Variants in POLE observed in about 807,000 individuals in gnomAD.
The protein encoded by POLE is DNA polymerase epsilon, catalytic subunit.
POLE carries 188 observed loss-of-function variants against 279.2 expected under a neutral mutation model. That is an observed-to-expected ratio of 0.67 (90% CI 0.60 to 0.76). POLE has a LOEUF of 0.76. Ranked by LOEUF, POLE falls within the 30% of genes least tolerant of loss-of-function variation. The probability of loss-of-function intolerance (pLI) is 0.00; values close to 1 mark genes in which losing one functional copy is unlikely to be tolerated. For synonymous variants in POLE, 1,214 were observed against 1,172.5 expected, an observed-to-expected ratio of 1.04 and a Z score of -0.72; for missense variants, 2,703 against 3,016.7, an observed-to-expected ratio of 0.90 and a Z score of 2.44.
rs750401329 is a variant in POLE at position 132,626,157 on chromosome 12, C to T, written c.6491G>A (p.Cys2164Tyr). The change falls in exon 46 of 49, where the codon TGC (cysteine) becomes TAC (tyrosine). Residue 2164 changes from cysteine (C) to tyrosine (Y), a missense_variant. This residue lies in a region of POLE where 1,551 missense variants were observed against 1,686.1 expected (regional missense o/e 0.92). Coordinates refer to ENST00000320574, the MANE Select transcript of POLE (RefSeq NM_006231.4). Reference sequence around the variant, plus strand: ...GTCTTTACACAGGTCCAGGTCGCGGCAGAAGTTACAGCTGCGGCAGATGAC... The same window carrying T: ...GTCTTTACACAGGTCCAGGTCGCGGTAGAAGTTACAGCTGCGGCAGATGAC... ...PEVICRSCNF[C>Y]RDLDLCKDSS... 3.1e-6 allele frequency: 5 copies of T among 1,610,888 alleles called. No individual in the cohort carries two copies. In the South Asian group the frequency reaches 4.4e-5, roughly 14 times the overall value.
chr12:132,665,100 T>G (rs2042762185), intron 21 of POLE, among the ~76,000 whole-genome samples: 1 of 152,008 alleles, frequency 6.6e-6, no homozygotes, highest in African/African-American at 2.4e-5. Flanking sequence ...GCATCACTCA[T>G]GGACACCCAG....
Position 132,668,446 on chromosome 12 carries a change from A to G in POLE, c.2083T>C (p.Phe695Leu), listed in dbSNP as rs5744799. The G allele has an allele frequency of 3.3e-5, 53 of 1,612,366 alleles. No homozygotes were observed. Among genetic ancestry groups the G allele is most frequent in the Middle Eastern group, 1.6e-4 (1 of 6,074 alleles). Residue 695 changes from phenylalanine to leucine, a missense_variant, in exon 19 of 49, where the codon TTC becomes CTC. By Grantham distance (22) the Phe-to-Leu change is conservative. Around this residue, in one of 5 missense-constraint regions of POLE, gnomAD observed 1,011 missense variants for 1,111.7 expected, o/e 0.91. Transcript: ENST00000320574. The surrounding 1 kb of genome is among the most constrained non-coding windows in gnomAD (Gnocchi z 4.0). ...RIQHQLESEK[F>L]PPLFPEGPAR... is the part of the protein sequence containing the mutation. ...GGCCCCTCTGGGAACAAGGGGGGGA[A>G]CTTCTCTGACTCCAGCTGGTGCTGG...
At chr12:132,671,466 C>T (rs2042926572) in intron 16 of POLE, among the ~76,000 whole-genome samples, 1 of 150,928 alleles carries the variant, frequency 6.6e-6, no homozygotes, top group Non-Finnish European at 1.5e-5. Flanking sequence ...GTCAGGAGTT[C>T]AAGATCAGAC....
At position 132,642,072 on chromosome 12, in the gene POLE, G is replaced by A. The variant is rs142898183; in HGVS notation, c.5173+105C>T. 3.8e-5 allele frequency: 42 copies of A among 1,110,726 alleles called. No homozygotes were observed. The African/African-American group carries it at 5.6e-4, about 15-fold the overall frequency. The allele number at this position is 1,110,726 out of a possible 1,614,324, so 68.8% of individuals were successfully genotyped here. ...CTGCAGCCTCAGCTCTGACCTGCGC[G>A]GTCGAACTCTGAGCCCATCCTCGGC... On this transcript the variant is annotated intron_variant, in intron 38 of 48. Coordinates refer to ENST00000320574, the MANE Select transcript of POLE (RefSeq NM_006231.4).
intron 47 of POLE, chr12:132,625,298 C>T: frequency 1.4e-6 from 1 of 725,904 alleles, no homozygotes; most frequent in African/African-American, 1.7e-5. Context: ...CACACGGCAG[C>T]TTGGCGCGTC....
At chr12:132,672,989 C>A in intron 14 of POLE, 150 bp from the exon 15 acceptor site, 1 of 817,884 alleles carries the variant, frequency 1.2e-6, no homozygotes, top group Non-Finnish European at 2.0e-6. Flanking sequence ...TGGTTTCTTC[C>A]TCACACCAGG....
chr12:132,676,692 TC>T, intron 8 of POLE, 39 bp from the exon 9 acceptor site: 2 of 1,307,778 alleles, frequency 1.5e-6, no homozygotes, highest in South Asian at 1.2e-5. Flanking sequence ...AGCTCTAAAC[TC>T]CCCATTAGGC....
In POLE at chr12:132,641,648, T is replaced by C; in HGVS notation, c.5377A>G (p.Arg1793Gly). The change falls in exon 39 of 49, where the codon AGG becomes GGG. Residue 1793 changes from arginine (R) to glycine (G), a missense_variant and splice_region_variant. Physicochemically the swap from Arg to Gly is moderately radical, Grantham distance 125. Around this residue, in one of 5 missense-constraint regions of POLE, gnomAD observed 1,551 missense variants for 1,686.1 expected, o/e 0.92. Coordinates refer to ENST00000320574, the MANE Select transcript of POLE (RefSeq NM_006231.4). ...ACTCCTTCCCAGAGAGGGTGGCACC[T>C]GAAGGTGTTAGAGCACAGGGCTGTC... is the stretch of plus-strand genomic sequence containing the variant. The part of the protein sequence containing the change: ...DETALCSNTF[R>G]ILKSMVVGWV... 6.2e-7 allele frequency: 1 copy of C among 1,613,414 alleles called. No homozygotes were observed. The highest frequency in any genetic ancestry group is 8.5e-7 in the Non-Finnish European group (1 of 1,179,416).
rs1161381608 is a variant in POLE at position 132,665,405 on chromosome 12, C to T, written c.2365G>A (p.Ala789Thr). ...ATGTTCTTGCAGCGCTTCACCTCAG[C>T]CGCGTCGCCCACCTCCACGGCCGCC... Reference protein sequence around the residue: ...LSAAVEVGDAAEVKRCKNMEV... With the variant: ...LSAAVEVGDATEVKRCKNMEV... The change falls in exon 21 of 49, where the codon GCT becomes ACT. Residue 789 changes from alanine to threonine, a missense_variant. Transcript: ENST00000320574. 2 of 1,613,262 alleles carry T rather than the reference C, an allele frequency of 1.2e-6. No homozygotes were observed. Among genetic ancestry groups the T allele is most frequent in the Non-Finnish European group, 8.5e-7 (1 of 1,180,018 alleles).
chr12:132,632,550 C>T (rs1393703895), intron 44 of POLE, 42 bp from the exon 45 acceptor site: 3 of 1,608,782 alleles, frequency 1.9e-6, no homozygotes, highest in Non-Finnish European at 2.6e-6. Context: ...TGGGACCTGT[C>T]TGGCACTGGG....
At position 132,642,495 on chromosome 12, in the gene POLE, A is replaced by T. The variant is rs779889181; in HGVS notation, c.4952+11T>A. The T allele has an allele frequency of 8.8e-5, 142 of 1,613,054 alleles. No individual in the cohort carries two copies. The South Asian group carries it at 9.3e-4, about 11-fold the overall frequency. On this transcript the variant is annotated intron_variant, in intron 37 of 48. Transcript: ENST00000320574. The stretch of plus-strand genomic sequence containing the variant: ...GGGACCACTGGCCCACAACGACAGT[A>T]CTGTGCTCACCTGCTCATCTCGAAG...
rs747081951 is a variant in POLE at position 132,668,758 on chromosome 12, C to T, written c.1924-21G>A. ...GAGGGCTGGGAGGGGTGAGAAAGCA[C>T]TTAGGGCTGGGCAGAGAGAGCTCCG... On this transcript the variant is annotated intron_variant, in intron 17 of 48. Transcript: ENST00000320574. The surrounding 1 kb of genome is among the most constrained non-coding windows in gnomAD (Gnocchi z 4.0). 11 of 1,613,866 alleles carry T rather than the reference C, an allele frequency of 6.8e-6. No homozygotes were observed. The highest frequency in any genetic ancestry group is 9.3e-6 in the Non-Finnish European group (11 of 1,179,790).
chr12:132,634,087 T>C lies in POLE; in HGVS notation c.6004+99A>G. 8.9e-7 allele frequency: 1 copy of C among 1,124,924 alleles called. No individual in the cohort carries two copies. Among genetic ancestry groups the C allele is most frequent in the Non-Finnish European group, 1.3e-6 (1 of 777,560 alleles). The allele number at this position is 1,124,924 out of a possible 1,614,324, so 69.7% of individuals were successfully genotyped here. The stretch of plus-strand genomic sequence containing the variant: ...GGGCAGGCTCCGCCCGATCTGATTT[T>C]CCCTGTCTCCCTTCTTGCGATACCA... On this transcript the variant is annotated intron_variant, in intron 43 of 48. Coordinates refer to ENST00000320574, the MANE Select transcript of POLE (RefSeq NM_006231.4). This position sits in a 1 kb window ranked among gnomAD's most constrained non-coding sequence, Gnocchi z 4.0.
At chr12:132,669,448 A>G (rs565910051) in intron 16 of POLE, among the ~76,000 whole-genome samples, 1 of 151,886 alleles carries the variant, frequency 6.6e-6, no homozygotes, top group South Asian at 2.1e-4. Context: ...TGGGCAACAG[A>G]GCCAGATCCT....
intron 32 of POLE, among the ~76,000 whole-genome samples, chr12:132,646,397 A>G (rs1257071666): frequency 6.6e-6 from 1 of 152,158 alleles, no homozygotes; most frequent in East Asian, 1.9e-4. Flanking sequence ...ATCTGCACTT[A>G]ACTATATGTA....
At position 132,672,790 on chromosome 12, in the gene POLE, T is replaced by C. The variant is rs1003970392; in HGVS notation, c.1523A>G (p.Gln508Arg). The C allele has an allele frequency of 1.2e-6, 2 of 1,614,074 alleles. No individual in the cohort carries two copies. Among genetic ancestry groups the C allele is most frequent in the Non-Finnish European group, 1.7e-6 (2 of 1,180,034 alleles). Residue 508 changes from glutamine (Q) to arginine (R), a missense_variant, in exon 15 of 49, where the codon CAG becomes CGG. Physicochemically the swap from Gln to Arg is conservative, Grantham distance 43. Transcript: ENST00000320574. ...GTLCEALLMV[Q>R]AFHANIIFPN... ...GAAGATGATGTTGGCGTGGAAGGCC[T>C]GCACCATCAGCAAGGCCTCACACAG... is the stretch of plus-strand genomic sequence containing the variant.
chr12:132,637,647 G>A (rs980526896), intron 41 of POLE, among the ~76,000 whole-genome samples: 3 of 152,180 alleles, frequency 2.0e-5, no homozygotes, highest in East Asian at 1.9e-4. Flanking sequence ...CAACACTGAC[G>A]TCTATGAAAA....
intron 45 of POLE, among the ~76,000 whole-genome samples, chr12:132,627,478 G>A (rs1368572972): frequency 2.0e-5 from 3 of 151,994 alleles, no homozygotes; most frequent in Admixed American, 1.3e-4. Flanking sequence ...GTTTGTAATC[G>A]TTGTAAAGAT....
In POLE at chr12:132,632,676, C is replaced by T. The variant is rs147954675; in HGVS notation, c.6124G>A (p.Gly2042Arg). Residue 2042 changes from glycine (G) to arginine (R), a missense_variant, in exon 44 of 49, where the codon GGA becomes AGA. Gly to Arg is a moderately radical substitution (Grantham distance 125, BLOSUM62 -2). Coordinates refer to ENST00000320574, the MANE Select transcript of POLE (RefSeq NM_006231.4). ...AAAGACTGCTCACCGGGAAGGGCTC[C>T]GACCGCCCCCTCGGCCTCCTGGGAG... Reference protein sequence around the residue: ...QLSQEAEGAVGALPGMITFSQ... With the variant: ...QLSQEAEGAVRALPGMITFSQ... 51 of 1,614,010 alleles carry T rather than the reference C, an allele frequency of 3.2e-5. No individual in the cohort carries two copies. The highest frequency in any genetic ancestry group is 1.8e-4 in the East Asian group (8 of 44,856).
Sources: gnomAD v4.1 joint callset for allele counts (sites outside exome capture counted in the v4.1 genomes callset) on GRCh38, gnomAD v4.1.1 for gene constraint, gnomAD v4.1.1 regional missense constraint, Gnocchi (gnomAD v3.1) non-coding constraint, MANE v1.5 for transcripts, NCBI Gene and HGNC (gene_info 2026-07-23, HGNC 2026-07-21) for gene names.